The following PROS1 variants were observed in gnomAD, a reference collection of about 807,000 sequenced individuals.
PROS1 encodes the protein vitamin K-dependent protein S.
In PROS1, 29 loss-of-function variants were observed where a neutral mutation model predicts 75.9. The observed-to-expected ratio is 0.38, with a 90% CI of 0.28 to 0.52. The LOEUF (loss-of-function observed/expected upper bound fraction) is 0.52, where lower values mean the gene tolerates loss of function less well. Ranked by LOEUF, PROS1 falls within the 20% of genes least tolerant of loss-of-function variation. The probability of loss-of-function intolerance (pLI) is 0.83; values close to 1 mark genes in which losing one functional copy is unlikely to be tolerated. For synonymous variants in PROS1, 245 were observed against 280.6 expected (o/e 0.87, Z 1.27); for missense variants, 680 against 810.3 (o/e 0.84, Z 1.95).
intron 1 of PROS1, among the ~76,000 whole-genome samples, chr3:93,935,744 T>C (rs188406786): frequency 7.9e-5 from 12 of 152,180 alleles, no homozygotes; most frequent in Admixed American, 4.6e-4. Flanking sequence ...GTCAAGTGAG[T>C]CTTTCTAATT....
intron 1 of PROS1, among the ~76,000 whole-genome samples, chr3:93,955,218 C>T (rs528199845): frequency 1.3e-5 from 2 of 152,100 alleles, no homozygotes; most frequent in Admixed American, 6.6e-5. Context: ...CAGCCATCCC[C>T]TTACTGGGTA....
chr3:93,876,251 C>T (rs967561022), intron 14 of PROS1, among the ~76,000 whole-genome samples: 20 of 152,076 alleles, frequency 1.3e-4, no homozygotes, highest in Admixed American at 8.5e-4. Context: ...ATTTGAAGCA[C>T]GTTAAACAGT....
chr3:93,884,557 CAAT>C lies in PROS1; in HGVS notation c.1492+168_1492+170del, dbSNP rs527953885. Among the ~76,000 whole-genome samples, 5 of 152,110 alleles carry C rather than the reference CAAT, an allele frequency of 3.3e-5. No homozygotes were observed. The East Asian group carries it at 9.7e-4, about 29-fold the overall frequency. Reference sequence around the variant, plus strand: ...CATTCAAATGCCTTTATATTTTTCCCAATACACTGAAAAATTTTTGTAAAAGGT... The same window carrying C: ...CATTCAAATGCCTTTATATTTTTCCCACACTGAAAAATTTTTGTAAAAGGT... On this transcript the variant is annotated intron_variant, in intron 12 of 14. Coordinates refer to ENST00000394236, the MANE Select transcript of PROS1 (RefSeq NM_000313.4).
chr3:93,909,433 TAAAA>T, intron 4 of PROS1, among the ~76,000 whole-genome samples: 2 of 79,904 alleles, frequency 2.5e-5, no homozygotes, highest in South Asian at 8.5e-4. Flanking sequence ...AGAGCTTGTC[TAAAA>T]AAAAAAAAAA....
intron 3 of PROS1, among the ~76,000 whole-genome samples, chr3:93,912,394 A>C (rs1215407866): frequency 6.6e-6 from 1 of 152,158 alleles, no homozygotes; most frequent in South Asian, 2.1e-4. Flanking sequence ...CAAAGTCTCC[A>C]TTTGCCATAT....
At chr3:93,899,806 G>A (rs1708559735) in intron 7 of PROS1, among the ~76,000 whole-genome samples, 1 of 152,114 alleles carries the variant, frequency 6.6e-6, no homozygotes, top group Non-Finnish European at 1.5e-5. Context: ...CTGCTTAATG[G>A]TTACTGCTTA....
At chr3:93,917,800 G>A (rs1365557100) in intron 3 of PROS1, among the ~76,000 whole-genome samples, 1 of 152,128 alleles carries the variant, frequency 6.6e-6, no homozygotes, top group Admixed American at 6.5e-5. Context: ...TTGATTTCTC[G>A]CCAGGCCTTA....
rs2107149859 is a variant in PROS1 at position 93,892,920 on chromosome 3, T to C, written c.1155+13A>G. 6.2e-7 allele frequency: 1 copy of C among 1,606,814 alleles called. No homozygotes were observed. The highest frequency in any genetic ancestry group is 2.2e-5 in the East Asian group (1 of 44,818). On this transcript the variant is annotated intron_variant, in intron 10 of 14. Coordinates refer to ENST00000394236, the MANE Select transcript of PROS1 (RefSeq NM_000313.4). Reference sequence around the variant, plus strand: ...TCAAAGTGGGAAGATATTGATGAAATCTGCAAACGTACCATATTCCATAGA... The same window carrying C: ...TCAAAGTGGGAAGATATTGATGAAACCTGCAAACGTACCATATTCCATAGA...
chr3:93,947,712 G>A (rs577589017), intron 1 of PROS1, among the ~76,000 whole-genome samples: 155 of 152,000 alleles, frequency 1.0e-3, no homozygotes, highest in African/African-American at 2.7e-3. Flanking sequence ...GACTACAGGC[G>A]CCTGCCACCA....
intron 1 of PROS1, among the ~76,000 whole-genome samples, chr3:93,934,224 T>C (rs1015503473): frequency 2.0e-5 from 3 of 151,090 alleles, no homozygotes; most frequent in Admixed American, 2.0e-4. Flanking sequence ...AAAATAATAA[T>C]AATAATGGTA....
At chr3:93,955,006 C>A (rs915638404) in intron 1 of PROS1, among the ~76,000 whole-genome samples, 2 of 152,160 alleles carry the variant, frequency 1.3e-5, no homozygotes, top group African/African-American at 2.4e-5. Flanking sequence ...CAGAGAAATG[C>A]AAATCAAAAC....
At chr3:93,948,642 G>T (rs768262071) in intron 1 of PROS1, among the ~76,000 whole-genome samples, 9 of 152,006 alleles carry the variant, frequency 5.9e-5, no homozygotes, top group Admixed American at 2.0e-4. Flanking sequence ...AGACTATTTA[G>T]AACAATAAAC....
At chr3:93,973,040 G>A (rs1284220792) in intron 1 of PROS1, among the ~76,000 whole-genome samples, 1 of 152,104 alleles carries the variant, frequency 6.6e-6, no homozygotes, top group Non-Finnish European at 1.5e-5. Context: ...AAGAATTCAT[G>A]CCACCACCTC....
At chr3:93,966,685 T>C (rs1337518612) in intron 1 of PROS1, among the ~76,000 whole-genome samples, 2 of 151,968 alleles carry the variant, frequency 1.3e-5, no homozygotes, top group African/African-American at 4.8e-5. Context: ...AACACCAGCC[T>C]GGCCAACATG....
intron 3 of PROS1, among the ~76,000 whole-genome samples, chr3:93,916,536 C>T (rs1326586865): frequency 6.6e-6 from 1 of 152,146 alleles, no homozygotes; most frequent in Non-Finnish European, 1.5e-5. Flanking sequence ...TGCTTTGCTA[C>T]TCCAAAGCAG....
intron 3 of PROS1, 52 bp downstream of exon 3, chr3:93,924,188 C>T: frequency 8.3e-7 from 1 of 1,200,394 alleles, no homozygotes. Context: ...AGGAACATAT[C>T]TAAGTTCCCT....
At chr3:93,905,139 G>A (rs1467661575) in intron 6 of PROS1, among the ~76,000 whole-genome samples, 5 of 152,082 alleles carry the variant, frequency 3.3e-5, no homozygotes, top group Non-Finnish European at 5.9e-5. Context: ...TACTAGAAGA[G>A]AATAAAAAAT....
chr3:93,891,924 T>C (rs760355761), intron 10 of PROS1, among the ~76,000 whole-genome samples: 2 of 152,138 alleles, frequency 1.3e-5, no homozygotes, highest in African/African-American at 2.4e-5. Context: ...TATCTGCTTA[T>C]ATTTGAATTT....
At position 93,893,115 on chromosome 3, in the gene PROS1, CT is replaced by C; in HGVS notation, c.972del (p.Ala325GlnfsTer13). 1 of 1,611,814 alleles carries C rather than the reference CT, an allele frequency of 6.2e-7. No individual in the cohort carries two copies. The highest frequency in any genetic ancestry group is 8.5e-7 in the Non-Finnish European group (1 of 1,178,464). On this transcript the variant is annotated frameshift_variant, in exon 10 of 15. Coordinates refer to ENST00000394236, the MANE Select transcript of PROS1 (RefSeq NM_000313.4). LOFTEE classifies it high-confidence loss of function. Reference protein sequence around the residue: ...KFRLPEISRFSAEFDFRTYDS... With the variant: ...KFRLPEISRFXAEFDFRTYDS... ...TCATATGTCCGGAAATCAAATTCTG[CT>C]GAAAATCTAAACAATGGACAAAGAG...
Sources: allele counts gnomAD v4.1 joint callset (sites outside exome capture counted in the v4.1 genomes callset), GRCh38; gene constraint gnomAD v4.1.1; transcripts MANE v1.5; gene names NCBI Gene and HGNC (gene_info 2026-07-23, HGNC 2026-07-21).